The following SERP2 variants were observed in gnomAD, a reference collection of about 807,000 sequenced individuals.
The protein encoded by SERP2 is stress associated endoplasmic reticulum protein family member 2, also known as stress-associated endoplasmic reticulum protein 2.
A neutral mutation model predicts 9.1 loss-of-function variants in SERP2; 6 were observed. That is an observed-to-expected ratio of 0.66 (90% confidence interval 0.36 to 1.30). The LOEUF (loss-of-function observed/expected upper bound fraction) is 1.30. Among genes scored for constraint, SERP2 ranks in the 50% most tolerant of loss-of-function variants. SERP2 has a pLI of 0.03. For synonymous variants in SERP2, 37 were observed against 27.3 expected, an observed-to-expected ratio of 1.35 and a Z score of -1.10; for missense variants, 58 against 81.9, an observed-to-expected ratio of 0.71 and a Z score of 1.13.
At chr13:44,378,734 A>G (rs995114912) in intron 1 of SERP2, among the ~76,000 whole-genome samples, 9 of 152,082 alleles carry the variant, frequency 5.9e-5, no homozygotes, top group African/African-American at 2.2e-4. Flanking sequence ...TCTCTCAGAA[A>G]ATATTTGTTG....
chr13:44,380,901 G>A (rs747203024), intron 2 of SERP2, among the ~76,000 whole-genome samples: 13 of 152,126 alleles, frequency 8.5e-5, no homozygotes, highest in Non-Finnish European at 1.6e-4. Flanking sequence ...CAGTTGTTCA[G>A]ATTTGAACTC....
intron 2 of SERP2, among the ~76,000 whole-genome samples, chr13:44,391,902 G>A (rs1319231709): frequency 1.3e-5 from 2 of 152,062 alleles, no homozygotes; most frequent in Non-Finnish European, 1.5e-5. Flanking sequence ...CAGACAGAAA[G>A]AATGGCATGT....
At chr13:44,375,870 C>T (rs1235733730) in intron 1 of SERP2, among the ~76,000 whole-genome samples, 2 of 152,164 alleles carry the variant, frequency 1.3e-5, no homozygotes, top group Non-Finnish European at 2.9e-5. Context: ...AAATTATTAG[C>T]TCCAAAATAA....
chr13:44,390,264 C>A, intron 2 of SERP2: 1 of 346,210 alleles, frequency 2.9e-6, no homozygotes, highest in South Asian at 2.2e-5. Flanking sequence ...CTTGACCCAG[C>A]CACAGGCTGC....
At chr13:44,374,794 C>G (rs562313526) in intron 1 of SERP2, among the ~76,000 whole-genome samples, 8 of 152,152 alleles carry the variant, frequency 5.3e-5, no homozygotes, top group Non-Finnish European at 1.2e-4. Flanking sequence ...CCAGCGAGAC[C>G]TCCCTCAGCC....
chr13:44,382,253 G>A (rs1323418239), intron 2 of SERP2, among the ~76,000 whole-genome samples: 2 of 151,618 alleles, frequency 1.3e-5, no homozygotes, highest in African/African-American at 2.4e-5. Flanking sequence ...TGGCTAACAC[G>A]ATGAAGCCCC....
chr13:44,392,196 C>CTAAAAAAAA (rs1872815599), intron 2 of SERP2, among the ~76,000 whole-genome samples: 1 of 35,980 alleles, frequency 2.8e-5, no homozygotes, highest in Non-Finnish European at 4.4e-5. Flanking sequence ...GACTCTGTCT[C>CTAAAAAAAA]AAAAAAAAAA....
chr13:44,383,553 G>T (rs1969876), intron 2 of SERP2, among the ~76,000 whole-genome samples: 127,833 of 131,832 alleles, frequency 0.97, 62,063 homozygotes, highest in Non-Finnish European at 1. Flanking sequence ...CGTTTTTTTT[G>T]TTTTTTTTTT....
chr13:44,392,196 CAAAAA>C (rs760513486), intron 2 of SERP2, among the ~76,000 whole-genome samples: 4 of 35,990 alleles, frequency 1.1e-4, no homozygotes, highest in African/African-American at 3.8e-4. Flanking sequence ...GACTCTGTCT[CAAAAA>C]AAAAAAAAAA....
chr13:44,385,045 G>C (rs1872233471), intron 2 of SERP2, among the ~76,000 whole-genome samples: 1 of 152,234 alleles, frequency 6.6e-6, no homozygotes, highest in Non-Finnish European at 1.5e-5. Context: ...TTCTGGGAAA[G>C]AGTTAGGACT....
chr13:44,374,219 C>A, intron 1 of SERP2, 110 bp downstream of exon 1: 1 of 705,866 alleles, frequency 1.4e-6, no homozygotes, highest in African/African-American at 1.9e-5. Context: ...CCTCCCGGCT[C>A]CCGGCCCGCC....
chr13:44,382,436 C>CAAAAAAAAAA (rs71202274), intron 2 of SERP2, among the ~76,000 whole-genome samples: 1 of 45,664 alleles, frequency 2.2e-5, no homozygotes, highest in Non-Finnish European at 3.8e-5. Flanking sequence ...GACTCCGTCT[C>CAAAAAAAAAA]AAAAAAAAAA....
chr13:44,373,858 G>T lies in SERP2; in HGVS notation c.-168G>T, dbSNP rs918748616. The T allele has an allele frequency of 5.4e-6, 3 of 560,576 alleles. No homozygotes were observed. The highest frequency in any genetic ancestry group is 9.3e-6 in the Non-Finnish European group (3 of 323,042). The allele number at this position is 560,576 out of a possible 1,614,324, so 34.7% of individuals were successfully genotyped here. A position where few individuals can be genotyped will look rare whatever the true frequency, so the allele number is the denominator to read the frequency against. On this transcript the variant is annotated 5_prime_UTR_variant, in exon 1 of 3. Transcript: ENST00000379179. The surrounding 1 kb of genome is among the most constrained non-coding windows in gnomAD (Gnocchi z 4.8). ...CGGGCTGCGGCCTCTCTCTGGAGTCGGCTAGCCGGGGCTCGGGGAGCGGGG... is the reference window on the plus strand; with the variant it reads ...CGGGCTGCGGCCTCTCTCTGGAGTCTGCTAGCCGGGGCTCGGGGAGCGGGG...
At chr13:44,374,973 C>G (rs1469960190) in intron 1 of SERP2, among the ~76,000 whole-genome samples, 1 of 152,140 alleles carries the variant, frequency 6.6e-6, no homozygotes, top group African/African-American at 2.4e-5. Context: ...GTGCCTTACA[C>G]TCAGGAGTTT....
intron 2 of SERP2, among the ~76,000 whole-genome samples, chr13:44,384,389 A>G (rs1872199013): frequency 6.6e-6 from 1 of 151,934 alleles, no homozygotes; most frequent in African/African-American, 2.4e-5. Context: ...AGTCTAGCCC[A>G]TTTGTCAGCT....
At chr13:44,382,177 G>A (rs34967863) in intron 2 of SERP2, among the ~76,000 whole-genome samples, 60,569 of 151,402 alleles carry the variant, frequency 0.4, 12,318 homozygotes, top group South Asian at 0.46. Flanking sequence ...GGTGGCTCAC[G>A]CCTGTAATCC....
chr13:44,374,144 T>C (rs1324700888), intron 1 of SERP2, 35 bp downstream of exon 1: 5 of 680,742 alleles, frequency 7.3e-6, no homozygotes, highest in Middle Eastern at 3.8e-4. Context: ...GGCAGAGCCC[T>C]GCAGCCCGGC....
intron 2 of SERP2, among the ~76,000 whole-genome samples, chr13:44,393,038 GA>G (rs34934251): frequency 0.42 from 64,152 of 151,562 alleles, 14,083 homozygotes; most frequent in East Asian, 0.66. Flanking sequence ...CAAGGGAAGA[GA>G]GTTTCAAGCA....
chr13:44,381,238 C>CAAAAAA (rs58535681), intron 2 of SERP2, among the ~76,000 whole-genome samples: 1 of 46,024 alleles, frequency 2.2e-5, no homozygotes, highest in Non-Finnish European at 4.8e-5. Context: ...AACTCCGTCT[C>CAAAAAA]AAAAAAAAAA....
Sources: gnomAD v4.1 joint callset for allele counts (sites outside exome capture counted in the v4.1 genomes callset) on GRCh38, gnomAD v4.1.1 for gene constraint, Gnocchi (gnomAD v3.1) non-coding constraint, MANE v1.5 for transcripts, NCBI Gene and HGNC (gene_info 2026-07-23, HGNC 2026-07-21) for gene names.